The following ATP8A1 variants were observed in gnomAD, a reference collection of about 807,000 sequenced individuals.
The protein encoded by ATP8A1 is ATPase phospholipid transporting 8A1, also known as phospholipid-transporting ATPase IA.
Under a neutral mutation model 177.7 loss-of-function variants are expected in ATP8A1, and 90 were observed. That is an observed-to-expected ratio of 0.51 (90% CI 0.43 to 0.60). The LOEUF is 0.60. ATP8A1 is among the 20% of genes least tolerant of loss of function. The probability of loss-of-function intolerance (pLI) is 0.00; values close to 1 mark genes in which losing one functional copy is unlikely to be tolerated. For synonymous variants in ATP8A1, 493 were observed against 485.9 expected (o/e 1.01, Z -0.19); for missense variants, 1,072 against 1,392.8 (o/e 0.77, Z 3.67).
At chr4:42,581,587 T>C in intron 10 of ATP8A1, 34 bp downstream of exon 10, 1 of 1,474,892 alleles carries the variant, frequency 6.8e-7, no homozygotes, top group Non-Finnish European at 9.5e-7. Flanking sequence ...ACAAAAGCCT[T>C]AGGTCCAAAA....
At chr4:42,497,897 C>T (rs7668168) in intron 24 of ATP8A1, among the ~76,000 whole-genome samples, 2,648 of 152,098 alleles carry the variant, frequency 0.017, 75 homozygotes, top group African/African-American at 0.059. Context: ...AGACAATATT[C>T]GAACAATCTT....
chr4:42,471,090 A>T (rs9991636), intron 25 of ATP8A1, among the ~76,000 whole-genome samples: 119 of 152,334 alleles, frequency 7.8e-4, no homozygotes, highest in African/African-American at 2.8e-3. Flanking sequence ...ATGTACAAAA[A>T]CTACAAAATA....
chr4:42,474,244 G>A (rs1326606396), intron 25 of ATP8A1, among the ~76,000 whole-genome samples: 1 of 152,168 alleles, frequency 6.6e-6, no homozygotes, highest in Non-Finnish European at 1.5e-5. Context: ...AAGCTGAGCG[G>A]CATGGAGGAA....
intron 25 of ATP8A1, among the ~76,000 whole-genome samples, chr4:42,470,086 G>A (rs192561013): frequency 6.6e-6 from 1 of 152,196 alleles, no homozygotes; most frequent in African/African-American, 2.4e-5. Flanking sequence ...CTGTTCCACC[G>A]TTGCTTTTTC....
intron 22 of ATP8A1, among the ~76,000 whole-genome samples, chr4:42,517,097 CGAG>C (rs561339254): frequency 0.01 from 1,528 of 152,076 alleles, 24 homozygotes; most frequent in African/African-American, 0.035. Context: ...GTCAGGAGAT[CGAG>C]ACCATCCTGG....
chr4:42,456,688 G>C (rs1023582202), intron 27 of ATP8A1, among the ~76,000 whole-genome samples: 1 of 152,094 alleles, frequency 6.6e-6, no homozygotes, highest in Non-Finnish European at 1.5e-5. Flanking sequence ...AGAGTACAAA[G>C]GCTGGTCCAG....
intron 10 of ATP8A1, 141 bp downstream of exon 10, chr4:42,581,480 T>C: frequency 3.0e-6 from 2 of 675,210 alleles, no homozygotes; most frequent in South Asian, 3.3e-5. Context: ...CTCACAGGAG[T>C]ACCAGATTCT....
At chr4:42,448,401 C>CTTTTTTTTTTTTTTTTTTTTTTTTT (rs1226963744) in intron 30 of ATP8A1, among the ~76,000 whole-genome samples, 40 of 99,540 alleles carry the variant, frequency 4.0e-4, no homozygotes, top group East Asian at 7.0e-4. Flanking sequence ...TCTTTCTTTT[C>CTTTTTTTTTTTTTTTTTTTTTTTTT]TTTTTTTTTT....
chr4:42,495,336 T>C lies in ATP8A1; in HGVS notation c.2151+8114A>G, dbSNP rs146279536. The stretch of plus-strand genomic sequence containing the variant: ...CCCATAATAACATATGGATAAACCA[T>C]TGGGTATTACTTGCTTTTCTACAAT... On this transcript the variant is annotated intron_variant, in intron 24 of 36. Coordinates refer to ENST00000381668, the MANE Select transcript of ATP8A1 (RefSeq NM_006095.2). 2.7e-3 allele frequency among the ~76,000 whole-genome samples: 406 copies of C among 152,284 alleles called. 1 individual carries two copies. Among genetic ancestry groups the C allele is most frequent in the African/African-American group, 9.4e-3 (391 of 41,558 alleles).
intron 35 of ATP8A1, among the ~76,000 whole-genome samples, chr4:42,415,629 A>G (rs1003376316): frequency 1.1e-4 from 17 of 152,220 alleles, no homozygotes; most frequent in African/African-American, 4.1e-4. Context: ...GGCATGAGAA[A>G]CAAATAAGTA....
At chr4:42,491,073 G>C (rs1489934094) in intron 24 of ATP8A1, among the ~76,000 whole-genome samples, 2 of 151,866 alleles carry the variant, frequency 1.3e-5, no homozygotes, top group Admixed American at 6.6e-5. Context: ...TAAATACTCT[G>C]ATTTAGAATA....
chr4:42,636,262 T>C (rs947863157), intron 1 of ATP8A1, among the ~76,000 whole-genome samples: 2 of 152,176 alleles, frequency 1.3e-5, no homozygotes, highest in African/African-American at 4.8e-5. Context: ...TTAGTACAGA[T>C]AGTTCATTTA....
intron 24 of ATP8A1, among the ~76,000 whole-genome samples, chr4:42,490,859 T>A (rs1722675047): frequency 6.6e-6 from 1 of 152,240 alleles, no homozygotes; most frequent in Non-Finnish European, 1.5e-5. Flanking sequence ...TACAGTATAC[T>A]TATACAAGGT....
At chr4:42,493,933 G>A (rs1032796905) in intron 24 of ATP8A1, among the ~76,000 whole-genome samples, 1 of 152,052 alleles carries the variant, frequency 6.6e-6, no homozygotes, top group African/African-American at 2.4e-5. Flanking sequence ...CAGGTCCGGT[G>A]GCTCCCACCT....
At chr4:42,596,561 G>A (rs1253262136) in intron 6 of ATP8A1, among the ~76,000 whole-genome samples, 4 of 151,508 alleles carry the variant, frequency 2.6e-5, no homozygotes, top group Non-Finnish European at 5.9e-5. Context: ...CAGCTACTCA[G>A]GAGGCTGAGG....
chr4:42,630,022 A>G (rs573010749), intron 1 of ATP8A1, among the ~76,000 whole-genome samples: 4 of 152,360 alleles, frequency 2.6e-5, no homozygotes, highest in Admixed American at 2.0e-4. Context: ...GTGAAAACAC[A>G]TTTGCTACAT....
At chr4:42,480,106 C>T (rs930512149) in intron 25 of ATP8A1, among the ~76,000 whole-genome samples, 1 of 151,210 alleles carries the variant, frequency 6.6e-6, no homozygotes, top group African/African-American at 2.4e-5. Flanking sequence ...TGTTGAATTA[C>T]AGTAGGCTTC....
intron 25 of ATP8A1, among the ~76,000 whole-genome samples, chr4:42,470,731 T>G (rs1720306361): frequency 1.3e-5 from 2 of 152,198 alleles, no homozygotes; most frequent in African/African-American, 2.4e-5. Context: ...TATTTTCTAG[T>G]TCTCCTGAAG....
intron 4 of ATP8A1, among the ~76,000 whole-genome samples, chr4:42,618,854 T>A (rs1313314730): frequency 6.6e-6 from 1 of 152,116 alleles, no homozygotes; most frequent in African/African-American, 2.4e-5. Flanking sequence ...ATATCTTCAT[T>A]TTTTTTACAC....
Sources: allele counts gnomAD v4.1 joint callset (sites outside exome capture counted in the v4.1 genomes callset), GRCh38; gene constraint gnomAD v4.1.1; transcripts MANE v1.5; gene names NCBI Gene and HGNC (gene_info 2026-07-23, HGNC 2026-07-21).